The following RFX1 variants were observed in gnomAD, a reference collection of about 807,000 sequenced individuals.
RFX1 encodes regulatory factor X1.
Under a neutral mutation model 119.6 loss-of-function variants are expected in RFX1, and 42 were observed. That is an observed-to-expected ratio of 0.35 (90% CI 0.27 to 0.45). RFX1 has a LOEUF of 0.45. Ranked by LOEUF, RFX1 falls within the 20% of genes least tolerant of loss-of-function variation. The pLI is 1.00. For synonymous variants in RFX1, 628 were observed against 618.5 expected (o/e 1.02, Z -0.23); for missense variants, 1,118 against 1,368.1 (o/e 0.82, Z 2.88).
At chr19:13,963,775 G>C in intron 17 of RFX1, 29 bp from the exon 18 acceptor site, 1 of 1,515,960 alleles carries the variant, frequency 6.6e-7, no homozygotes, top group Non-Finnish European at 8.8e-7. Flanking sequence ...GCGGGCGCCC[G>C]GGGCTCAGCC....
chr19:13,991,283 G>T (rs893757169), intron 2 of RFX1, among the ~76,000 whole-genome samples: 1 of 152,178 alleles, frequency 6.6e-6, no homozygotes, highest in African/African-American at 2.4e-5. Flanking sequence ...TGATGGAGGT[G>T]AAGGTGGGGC....
Position 13,978,012 on chromosome 19 carries a change from G to A in RFX1, c.909C>T (p.Ala303=), listed in dbSNP as rs953189215. ...SQVQYVEGGD[A]SYTASAIRSS... Reference sequence around the variant, plus strand: ...CTTACATGGCACTGGCCGTGTAGCTGGCATCGCCGCCCTCCACATACTGCA... The same window carrying A: ...CTTACATGGCACTGGCCGTGTAGCTAGCATCGCCGCCCTCCACATACTGCA... The change falls in exon 8 of 21, where the codon GCC becomes GCT. Residue 303 remains alanine (A), a synonymous_variant. Coordinates refer to ENST00000254325, the MANE Select transcript of RFX1 (RefSeq NM_002918.5). 1 of 1,613,296 alleles carries A rather than the reference G, an allele frequency of 6.2e-7. No individual in the cohort carries two copies. The highest frequency in any genetic ancestry group is 8.5e-7 in the Non-Finnish European group (1 of 1,179,546).
At chr19:13,964,085 T>TC in intron 16 of RFX1, 78 bp from the exon 17 acceptor site, 1 of 1,379,320 alleles carries the variant, frequency 7.2e-7, no homozygotes. Flanking sequence ...CGCTGCAACC[T>TC]CCCTAAGCCT....
At position 13,983,206 on chromosome 19, in the gene RFX1, T is replaced by C; in HGVS notation, c.494A>G (p.Asn165Ser). ...PGHVSPLQLTNIQVPQQALPT... is the reference protein window; with the variant it reads ...PGHVSPLQLTSIQVPQQALPT... ...CATTACCTGCTGGGGCACTTGGATG[T>C]TGGTCAGCTGGAGGGGCGACACGTG... The change falls in exon 4 of 21, where the codon AAC becomes AGC. Residue 165 changes from asparagine (N) to serine (S), a missense_variant. Physicochemically the swap from Asn to Ser is conservative, Grantham distance 46 (BLOSUM62 1). Transcript: ENST00000254325. The C allele has an allele frequency of 1.9e-6, 3 of 1,577,808 alleles. No homozygotes were observed. Among genetic ancestry groups the C allele is most frequent in the South Asian group, 2.3e-5 (2 of 86,548 alleles).
chr19:13,994,893 C>CATATATATATAT (rs566150731), intron 1 of RFX1, among the ~76,000 whole-genome samples: 16 of 59,294 alleles, frequency 2.7e-4, no homozygotes, highest in Non-Finnish European at 3.9e-4. Flanking sequence ...AATATACATA[C>CATATATATATAT]ATATATATAT....
At chr19:13,988,549 AAC>A (rs1263228638) in intron 2 of RFX1, among the ~76,000 whole-genome samples, 6 of 152,162 alleles carry the variant, frequency 3.9e-5, no homozygotes, top group African/African-American at 1.4e-4. Flanking sequence ...GCCTCCTGCA[AAC>A]AGTCAGCCAT....
chr19:13,974,560 G>T (rs536715445), intron 8 of RFX1, among the ~76,000 whole-genome samples: 1 of 152,158 alleles, frequency 6.6e-6, no homozygotes. Flanking sequence ...CAGATAAGAG[G>T]CAGAGAAGAG....
At chr19:13,978,479 T>C (rs1050186814) in intron 7 of RFX1, among the ~76,000 whole-genome samples, 5 of 152,012 alleles carry the variant, frequency 3.3e-5, no homozygotes, top group Non-Finnish European at 5.9e-5. Flanking sequence ...GGGCGGAGCC[T>C]GGGGCCCCGG....
At position 13,985,160 on chromosome 19, in the gene RFX1, C is replaced by T. The variant is rs1476427075; in HGVS notation, c.320-1565G>A. ...TACCGGCGTGAGCCACTGTGCCTGG[C>T]TGACAGTAAGAGCTTTCCGGGATTT... On this transcript the variant is annotated intron_variant, in intron 2 of 20. Coordinates refer to ENST00000254325, the MANE Select transcript of RFX1 (RefSeq NM_002918.5). The surrounding 1 kb of genome is among the most constrained non-coding windows in gnomAD (Gnocchi z 4.3). Among the ~76,000 whole-genome samples, 3 of 151,756 alleles carry T rather than the reference C, an allele frequency of 2.0e-5. No individual in the cohort carries two copies. Among genetic ancestry groups the T allele is most frequent in the Non-Finnish European group, 4.4e-5 (3 of 67,988 alleles).
chr19:13,987,309 C>G (rs1340789761), intron 2 of RFX1, among the ~76,000 whole-genome samples: 1 of 152,118 alleles, frequency 6.6e-6, no homozygotes, highest in South Asian at 2.1e-4. Context: ...GAAACTTGAT[C>G]TTCCTTCCTA....
In RFX1 at chr19:13,980,701, G is replaced by A. The variant is rs1365205097; in HGVS notation, c.622-12C>T. 5 of 1,580,172 alleles carry A rather than the reference G, an allele frequency of 3.2e-6. No individual in the cohort carries two copies. The highest frequency in any genetic ancestry group is 2.2e-5 in the East Asian group (1 of 44,588). Reference sequence around the variant, plus strand: ...TGCACCGGCGACTGCTGTAAGGGAAGGAGACACAGGAGTGCCGCTGGGGTG... The same window carrying A: ...TGCACCGGCGACTGCTGTAAGGGAAAGAGACACAGGAGTGCCGCTGGGGTG... On this transcript the variant is annotated splice_polypyrimidine_tract_variant and intron_variant, in intron 5 of 20. Transcript: ENST00000254325. The surrounding 1 kb of genome is among the most constrained non-coding windows in gnomAD (Gnocchi z 5.1).
At chr19:13,977,716 C>CTT (rs921939703) in intron 8 of RFX1, among the ~76,000 whole-genome samples, 14 of 135,896 alleles carry the variant, frequency 1.0e-4, no homozygotes, top group African/African-American at 1.9e-4. Context: ...CGTGCCTGGC[C>CTT]TTTTTTTTTT....
At chr19:13,978,564 C>T (rs1000886083) in intron 7 of RFX1, among the ~76,000 whole-genome samples, 2 of 152,130 alleles carry the variant, frequency 1.3e-5, no homozygotes, top group African/African-American at 4.8e-5. Context: ...CATCCCCCAC[C>T]CTTGTCTGCA....
intron 8 of RFX1, 120 bp from the exon 9 acceptor site, chr19:13,973,247 G>T (rs1974148997): frequency 5.5e-6 from 4 of 729,814 alleles, no homozygotes; most frequent in South Asian, 3.2e-5. Flanking sequence ...CTCCCCTGCA[G>T]CAAGGAGCAG....
chr19:13,978,173 AT>A (rs1384907986), intron 7 of RFX1, 87 bp from the exon 8 acceptor site: 4 of 954,710 alleles, frequency 4.2e-6, no homozygotes. Flanking sequence ...CACCCAGGCT[AT>A]CCCTGACGCC....
At chr19:13,995,523 C>T (rs1354422190) in intron 1 of RFX1, among the ~76,000 whole-genome samples, 1 of 152,302 alleles carries the variant, frequency 6.6e-6, no homozygotes, top group Admixed American at 6.5e-5. Flanking sequence ...CCAGGCTGCA[C>T]TGAGAACCTG....
chr19:13,963,042 G>T lies in RFX1; in HGVS notation c.2725-3C>A. 3 of 1,569,082 alleles carry T rather than the reference G, an allele frequency of 1.9e-6. No homozygotes were observed. Among genetic ancestry groups the T allele is most frequent in the East Asian group, 2.4e-5 (1 of 42,198 alleles). ...AGGGAGGTGGCCAGATTGGCGAACT[G>T]GAGGAAGAAGAGAAGAAAATGGGTG... On this transcript the variant is annotated splice_region_variant and splice_polypyrimidine_tract_variant and intron_variant, in intron 19 of 20. Coordinates refer to ENST00000254325, the MANE Select transcript of RFX1 (RefSeq NM_002918.5).
chr19:13,979,609 C>G, intron 6 of RFX1, 67 bp from the exon 7 acceptor site: 1 of 1,115,878 alleles, frequency 9.0e-7, no homozygotes. Flanking sequence ...CCAGCCCCTG[C>G]ACAGGTGAGC....
intron 5 of RFX1, among the ~76,000 whole-genome samples, chr19:13,981,253 G>T (rs1011994985): frequency 6.6e-6 from 1 of 152,222 alleles, no homozygotes; most frequent in Non-Finnish European, 1.5e-5. Flanking sequence ...CAAGCTGAGG[G>T]GTGGTTGATA....
Sources: gnomAD v4.1 joint callset for allele counts (sites outside exome capture counted in the v4.1 genomes callset) on GRCh38, gnomAD v4.1.1 for gene constraint, Gnocchi (gnomAD v3.1) non-coding constraint, MANE v1.5 for transcripts, NCBI Gene and HGNC (gene_info 2026-07-23, HGNC 2026-07-21) for gene names.